Variants in PIWIL3 observed in about 807,000 individuals in gnomAD.
PIWIL3 encodes the protein piwi-like protein 3.
A neutral mutation model predicts 109.7 loss-of-function variants in PIWIL3; 101 were observed. The ratio of observed to expected loss-of-function variants is 0.92; its 90% CI spans 0.78 to 1.09. The LOEUF is 1.09. Ranked by LOEUF, PIWIL3 falls within the 50% of genes least tolerant of loss-of-function variation. The probability of loss-of-function intolerance (pLI) is 0.00; values close to 1 mark genes in which losing one functional copy is unlikely to be tolerated. For synonymous variants in PIWIL3, 373 were observed against 376.4 expected, an observed-to-expected ratio of 0.99 and a Z score of 0.10; for missense variants, 1,031 against 1,072.6, an observed-to-expected ratio of 0.96 and a Z score of 0.54.
chr22:24,734,036 T>C, intron 14 of PIWIL3, 48 bp downstream of exon 14: 1 of 1,562,690 alleles, frequency 6.4e-7, no homozygotes, highest in East Asian at 2.3e-5. Context: ...ATCAAGATGG[T>C]TTGGAACAAT....
chr22:24,723,042 G>C lies in PIWIL3; in HGVS notation c.2357+88C>G, dbSNP rs533273163. 4.2e-6 allele frequency: 6 copies of C among 1,426,014 alleles called. No homozygotes were observed. In the African/African-American group the frequency reaches 5.7e-5, roughly 14 times the overall value. 88.3% of individuals were successfully genotyped at this position (1,426,014 alleles called of 1,614,324 possible). ...TCTAAAGAATCAGCAGTGCTTTAAG[G>C]TAAAGTTATTGGAATTAAGTGATTG... On this transcript the variant is annotated intron_variant, in intron 19 of 20. Transcript: ENST00000616349.
At position 24,723,187 on chromosome 22, in the gene PIWIL3, T is replaced by G; in HGVS notation, c.2300A>C (p.Asn767Thr). 6.2e-7 allele frequency: 1 copy of G among 1,612,116 alleles called. No individual in the cohort carries two copies. The highest frequency in any genetic ancestry group is 8.5e-7 in the Non-Finnish European group (1 of 1,178,324). ...TGTTCCTGGAGGTGGATTTTGAAAA[T>G]TGCTTCCATGTTTAAGAAAAAATCT... ...NTRFFLKHGS[N>T]FQNPPPGTVI... The change falls in exon 19 of 21, where the codon AAT (asparagine) becomes ACT (threonine). Residue 767 changes from asparagine (N) to threonine (T), a missense_variant. Coordinates refer to ENST00000616349, the MANE Select transcript of PIWIL3 (RefSeq NM_001255975.1).
chr22:24,720,646 A>G (rs904321716), intron 19 of PIWIL3, among the ~76,000 whole-genome samples: 2 of 152,102 alleles, frequency 1.3e-5, no homozygotes, highest in Non-Finnish European at 2.9e-5. Context: ...TATGTGTACA[A>G]TCTTATGTTG....
chr22:24,739,852 C>T (rs1288197419), intron 12 of PIWIL3, among the ~76,000 whole-genome samples: 1 of 151,954 alleles, frequency 6.6e-6, no homozygotes, highest in Non-Finnish European at 1.5e-5. Context: ...AGATCGAGAC[C>T]ATCCTGGCTA....
chr22:24,731,966 A>C (rs1923376844), intron 14 of PIWIL3, among the ~76,000 whole-genome samples: 1 of 152,176 alleles, frequency 6.6e-6, no homozygotes. Flanking sequence ...TTTATTATTC[A>C]CATACAGGTG....
intron 19 of PIWIL3, among the ~76,000 whole-genome samples, chr22:24,722,905 G>A (rs1414545587): frequency 6.6e-6 from 1 of 152,118 alleles, no homozygotes; most frequent in Non-Finnish European, 1.5e-5. Flanking sequence ...CGTGGTCACA[G>A]ACATTTACAA....
chr22:24,723,675 T>C (rs1222606011), intron 18 of PIWIL3, among the ~76,000 whole-genome samples: 2 of 152,158 alleles, frequency 1.3e-5, no homozygotes, highest in African/African-American at 4.8e-5. Context: ...ACTATGTTCA[T>C]GGATTTCTTC....
chr22:24,726,619 T>G (rs1296030266), intron 16 of PIWIL3, among the ~76,000 whole-genome samples: 4 of 152,216 alleles, frequency 2.6e-5, no homozygotes, highest in Non-Finnish European at 5.9e-5. Context: ...TGGAAGTTTT[T>G]ATTTGATTGG....
Position 24,754,852 on chromosome 22 carries a change from C to G in PIWIL3, c.705G>C (p.Leu235=). 6.2e-7 allele frequency: 1 copy of G among 1,612,132 alleles called. No individual in the cohort carries two copies. The highest frequency in any genetic ancestry group is 8.5e-7 in the Non-Finnish European group (1 of 1,178,406). Residue 235 remains leucine (L), a synonymous_variant, in exon 7 of 21, where the codon CTG becomes CTC. Coordinates refer to ENST00000616349, the MANE Select transcript of PIWIL3 (RefSeq NM_001255975.1). The stretch of plus-strand genomic sequence containing the variant: ...TGCGACCAACTTGTTCAAAATCCAG[C>G]AGCTTGAAAGTTCTGGAAATGGAAA... ...YNILFRRTFK[L]LDFEQVGRNY... is the part of the protein sequence containing the mutation.
Position 24,724,985 on chromosome 22 carries a change from A to G in PIWIL3, c.2133T>C (p.Ile711=), listed in dbSNP as rs1922907495. ...KNESSMPHSV[I]VYRDGVGDGQ... ...CATCTCCCACTCCATCCCGATACACAATAACAGAATGTGGCATCGATGATT... is the reference window on the plus strand; with the variant it reads ...CATCTCCCACTCCATCCCGATACACGATAACAGAATGTGGCATCGATGATT... Residue 711 remains isoleucine (I), a synonymous_variant, in exon 18 of 21, where the codon ATT becomes ATC. Transcript: ENST00000616349. The G allele has an allele frequency of 1.2e-6, 2 of 1,614,216 alleles. No individual in the cohort carries two copies. Among genetic ancestry groups the G allele is most frequent in the South Asian group, 1.1e-5 (1 of 91,082 alleles).
chr22:24,723,824 A>G lies in PIWIL3; in HGVS notation c.2232-569T>C, dbSNP rs1041051794. 1.3e-4 allele frequency among the ~76,000 whole-genome samples: 20 copies of G among 152,170 alleles called. No individual in the cohort carries two copies. In the Middle Eastern group the frequency reaches 0.01, roughly 78 times the overall value. On this transcript the variant is annotated intron_variant, in intron 18 of 20. Coordinates refer to ENST00000616349, the MANE Select transcript of PIWIL3 (RefSeq NM_001255975.1). ...CAAGTAGCTGGTATTACAGGTGTGC[A>G]CCACCACGCCTGGCTAATTCTTGTG...
intron 19 of PIWIL3, among the ~76,000 whole-genome samples, chr22:24,720,290 T>TTTTTTTTTA (rs1491484822): frequency 8.0e-6 from 1 of 124,854 alleles, no homozygotes; most frequent in African/African-American, 2.9e-5. Flanking sequence ...TTTTTTTTTT[T>TTTTTTTTTA]AGACGGAGTC....
At chr22:24,767,049 G>C (rs996428961) in intron 1 of PIWIL3, among the ~76,000 whole-genome samples, 5 of 151,996 alleles carry the variant, frequency 3.3e-5, no homozygotes, top group Admixed American at 3.3e-4. Flanking sequence ...AGGAGGACAG[G>C]AGGATCGCTT....
At chr22:24,736,604 G>A (rs1358031583) in intron 12 of PIWIL3, among the ~76,000 whole-genome samples, 2 of 152,186 alleles carry the variant, frequency 1.3e-5, no homozygotes, top group African/African-American at 4.8e-5. Context: ...TTTGTACAAA[G>A]GGAGCACCTT....
Position 24,719,781 on chromosome 22 carries a change from T to C in PIWIL3, c.2472A>G (p.Thr824=). 6.2e-7 allele frequency: 1 copy of C among 1,613,248 alleles called. No individual in the cohort carries two copies. Among genetic ancestry groups the C allele is most frequent in the Non-Finnish European group, 8.5e-7 (1 of 1,179,256 alleles). Residue 824 remains threonine, a synonymous_variant, in exon 20 of 21, where the codon ACA becomes ACG. Coordinates refer to ENST00000616349, the MANE Select transcript of PIWIL3 (RefSeq NM_001255975.1). ...TATAATACATGTGGCATAGACAATA[T>C]GTTAAACGCTGTACTGTATCTGGGC... is the stretch of plus-strand genomic sequence containing the variant. ...GLSPDTVQRL[T]YCLCHMYYNL... is the part of the protein sequence containing the mutation.
At position 24,723,250 on chromosome 22, in the gene PIWIL3, G is replaced by A. The variant is rs1054677058; in HGVS notation, c.2237C>T (p.Thr746Ile). 6.2e-7 allele frequency: 1 copy of A among 1,609,772 alleles called. No individual in the cohort carries two copies. The highest frequency in any genetic ancestry group is 8.5e-7 in the Non-Finnish European group (1 of 1,177,572). Residue 746 changes from threonine (T) to isoleucine (I), a missense_variant, in exon 19 of 21, where the codon ACT (threonine) becomes ATT (isoleucine). Thr to Ile is a moderately conservative substitution (Grantham distance 89, BLOSUM62 -1). Transcript: ENST00000616349. ...TTTCTTCACCACAATGAAAGCTAGA[G>A]TGAAACTTAAAAAAATTAGGGTAAG... Reference protein sequence around the residue: ...YLKTISPNNFTLAFIVVKKRI... With the variant: ...YLKTISPNNFILAFIVVKKRI...
At chr22:24,755,671 T>C (rs6004259) in intron 6 of PIWIL3, 113 bp downstream of exon 6, 560,031 of 1,350,438 alleles carry the variant, frequency 0.41, 117,957 homozygotes, top group East Asian at 0.51. Flanking sequence ...ACTCTCTTAA[T>C]ACATGAGGAC....
intron 14 of PIWIL3, among the ~76,000 whole-genome samples, chr22:24,731,062 C>T (rs547187607): frequency 1.2e-3 from 184 of 152,158 alleles, no homozygotes; most frequent in African/African-American, 4.1e-3. Flanking sequence ...TAACAAAAGC[C>T]CACCAAGAGT....
At chr22:24,746,648 A>G (rs117807839) in intron 12 of PIWIL3, among the ~76,000 whole-genome samples, 5,805 of 148,308 alleles carry the variant, frequency 0.039, 191 homozygotes, top group South Asian at 0.12. Context: ...AAAAAAAAAC[A>G]TAGAACTGAT....
Sources: gnomAD v4.1 joint callset for allele counts (sites outside exome capture counted in the v4.1 genomes callset) on GRCh38, gnomAD v4.1.1 for gene constraint, MANE v1.5 for transcripts, NCBI Gene and HGNC (gene_info 2026-07-23, HGNC 2026-07-21) for gene names.